The following COL21A1 variants were observed in gnomAD, a reference collection of about 807,000 sequenced individuals.
COL21A1 encodes the protein collagen alpha-1(XXI) chain.
Under a neutral mutation model 137.9 loss-of-function variants are expected in COL21A1, and 149 were observed. That is an observed-to-expected ratio of 1.08 (90% CI 0.95 to 1.24). COL21A1 has a LOEUF of 1.24. COL21A1 is among the 50% of genes most tolerant of loss of function. The probability of loss-of-function intolerance (pLI) is 0.00; values close to 1 mark genes in which losing one functional copy is unlikely to be tolerated. For synonymous variants in COL21A1, 456 were observed against 391.5 expected (o/e 1.16, Z -1.95); for missense variants, 1,167 against 1,158.4 (o/e 1.01, Z -0.11).
rs768116680 is a variant in COL21A1 at position 56,171,009 on chromosome 6, T to A, written c.760A>T (p.Ile254Leu). 24 of 1,607,924 alleles carry A rather than the reference T, an allele frequency of 1.5e-5. No homozygotes were observed. In the South Asian group the frequency reaches 2.5e-4, roughly 16 times the overall value. Reference sequence around the variant, plus strand: ...TTTGATGTTACTTCATATCCTTTTATCTTTTTTGGTGAAAGCTGTATTCTT... The same window carrying A: ...TTTGATGTTACTTCATATCCTTTTAACTTTTTTGGTGAAAGCTGTATTCTT... ...KKRIQLSPKK[I>L]KGYEVTSKVD... Residue 254 changes from isoleucine to leucine, a missense_variant, in exon 4 of 30, where the codon ATA becomes TTA. Transcript: ENST00000244728.
At chr6:56,305,671 G>T (rs1033311765) in intron 1 of COL21A1, among the ~76,000 whole-genome samples, 1 of 152,100 alleles carries the variant, frequency 6.6e-6, no homozygotes. Flanking sequence ...ACACTGATGG[G>T]TCTTGACTCT....
chr6:56,257,982 G>T (rs1488366497), intron 1 of COL21A1, among the ~76,000 whole-genome samples: 1 of 151,930 alleles, frequency 6.6e-6, no homozygotes, highest in South Asian at 2.1e-4. Context: ...TCTGGATTGA[G>T]ATTATGGATA....
intron 12 of COL21A1, among the ~76,000 whole-genome samples, chr6:56,135,780 TTA>T (rs1466980499): frequency 2.0e-5 from 3 of 152,338 alleles, no homozygotes; most frequent in Admixed American, 6.5e-5. Context: ...AACCTTTTCT[TTA>T]TATTTTCTTT....
At chr6:56,074,371 T>G in intron 19 of COL21A1, 86 bp from the exon 20 acceptor site, 1 of 843,028 alleles carries the variant, frequency 1.2e-6, no homozygotes, top group South Asian at 1.7e-5. Context: ...CACATTCTCA[T>G]AATTAATTCA....
chr6:56,077,733 C>T, intron 17 of COL21A1, 160 bp from the exon 18 acceptor site: 3 of 545,456 alleles, frequency 5.5e-6, no homozygotes, highest in Non-Finnish European at 9.6e-6. Context: ...ATGGAAAAGA[C>T]AACTTAGGAG....
At chr6:56,354,964 T>C (rs1765799368) in intron 1 of COL21A1, among the ~76,000 whole-genome samples, 1 of 152,168 alleles carries the variant, frequency 6.6e-6, no homozygotes, top group African/African-American at 2.4e-5. Context: ...TAATAAAAAG[T>C]TCAACTTACT....
Position 56,179,724 on chromosome 6 carries a change from A to G in COL21A1, c.494T>C (p.Leu165Ser). 1.2e-6 allele frequency: 2 copies of G among 1,613,966 alleles called. No homozygotes were observed. Among genetic ancestry groups the G allele is most frequent in the Non-Finnish European group, 1.7e-6 (2 of 1,179,880 alleles). ...TTCTGAACCAACACCAATAGCAAAT[A>G]ATGTTATCTTACTATCTCTTGCTGC... The part of the protein sequence containing the change: ...AQAARDSKIT[L>S]FAIGVGSETE... Residue 165 changes from leucine (L) to serine (S), a missense_variant, in exon 3 of 30, where the codon TTA becomes TCA. By Grantham distance (145) the Leu-to-Ser change is moderately radical. Coordinates refer to ENST00000244728, the MANE Select transcript of COL21A1 (RefSeq NM_030820.4).
intron 27 of COL21A1, 170 bp downstream of exon 27, chr6:56,060,571 A>G: frequency 1.9e-6 from 1 of 524,336 alleles, no homozygotes; most frequent in Admixed American, 3.8e-5. Flanking sequence ...ATAAAAGAGT[A>G]TATATGATAA....
chr6:56,268,611 A>G (rs538205979), intron 1 of COL21A1, among the ~76,000 whole-genome samples: 1 of 152,326 alleles, frequency 6.6e-6, no homozygotes, highest in African/African-American at 2.4e-5. Flanking sequence ...TGGCCCTCTG[A>G]AAGTACTGAG....
At position 56,222,109 on chromosome 6, in the gene COL21A1, C is replaced by T. The variant is rs866906154; in HGVS notation, c.-39+25278G>A. ...CCAACATGGTGAAACCCCATCTCTA[C>T]TAAAAATACAAAAATTAGCCGGGCA... On this transcript the variant is annotated intron_variant, in intron 1 of 29. Coordinates refer to ENST00000244728, the MANE Select transcript of COL21A1 (RefSeq NM_030820.4). Among the ~76,000 whole-genome samples, 25 of 152,030 alleles carry T rather than the reference C, an allele frequency of 1.6e-4. No individual in the cohort carries two copies. In the Middle Eastern group the frequency reaches 0.01, roughly 62 times the overall value.
At chr6:56,373,082 C>G (rs1255784031) in intron 1 of COL21A1, among the ~76,000 whole-genome samples, 3 of 151,972 alleles carry the variant, frequency 2.0e-5, no homozygotes, top group Non-Finnish European at 4.4e-5. Context: ...ACAGCAGCAG[C>G]TGCTGCACTA....
intron 7 of COL21A1, among the ~76,000 whole-genome samples, chr6:56,165,052 G>A (rs1197006108): frequency 1.3e-5 from 2 of 152,016 alleles, no homozygotes; most frequent in Admixed American, 6.6e-5. Context: ...AAGGTGAGTA[G>A]AAGAAGAAAA....
intron 1 of COL21A1, among the ~76,000 whole-genome samples, chr6:56,383,777 C>G (rs533617083): frequency 2.8e-4 from 43 of 152,222 alleles, no homozygotes; most frequent in Middle Eastern, 6.8e-3. Context: ...TATACTCTTG[C>G]CTCCTTCAGT....
At chr6:56,215,012 G>T (rs1232446471) in intron 1 of COL21A1, among the ~76,000 whole-genome samples, 1 of 152,058 alleles carries the variant, frequency 6.6e-6, no homozygotes, top group Non-Finnish European at 1.5e-5. Flanking sequence ...ATCACATCCA[G>T]TAACTATCTC....
At chr6:56,157,309 T>TC (rs1491121935) in intron 9 of COL21A1, among the ~76,000 whole-genome samples, 5 of 11,688 alleles carry the variant, frequency 4.3e-4, no homozygotes, top group African/African-American at 6.6e-4. Context: ...TCATAAGACT[T>TC]TTTTTTTTTT....
intron 1 of COL21A1, among the ~76,000 whole-genome samples, chr6:56,230,419 A>G (rs1481279119): frequency 6.6e-6 from 1 of 151,950 alleles, no homozygotes; most frequent in African/African-American, 2.4e-5. Context: ...CTCCTAAAAT[A>G]AAAAAAGTCA....
At chr6:56,371,169 T>G (rs1418101745) in intron 1 of COL21A1, among the ~76,000 whole-genome samples, 4 of 152,144 alleles carry the variant, frequency 2.6e-5, no homozygotes, top group African/African-American at 9.7e-5. Flanking sequence ...TCAAGAGAAG[T>G]TAAATGCCAT....
intron 14 of COL21A1, among the ~76,000 whole-genome samples, chr6:56,124,737 G>C (rs1315062908): frequency 6.6e-6 from 1 of 152,014 alleles, no homozygotes; most frequent in East Asian, 1.9e-4. Flanking sequence ...CGCCTCCCGG[G>C]TTCACGCCAT....
intron 1 of COL21A1, among the ~76,000 whole-genome samples, chr6:56,197,510 T>C (rs749262752): frequency 1.3e-4 from 20 of 151,898 alleles, no homozygotes; most frequent in Non-Finnish European, 2.8e-4. Flanking sequence ...CACAATTCAA[T>C]AGCAAATAAA....
Sources: allele counts gnomAD v4.1 joint callset (sites outside exome capture counted in the v4.1 genomes callset), GRCh38; gene constraint gnomAD v4.1.1; transcripts MANE v1.5; gene names NCBI Gene and HGNC (gene_info 2026-07-23, HGNC 2026-07-21).